The following CACNB2 variants were observed in gnomAD, a reference collection of about 807,000 sequenced individuals.
CACNB2 encodes voltage-dependent L-type calcium channel subunit beta-2.
Under a neutral mutation model 73.3 loss-of-function variants are expected in CACNB2, and 42 were observed. That is an observed-to-expected ratio of 0.57 (90% CI 0.45 to 0.74). The LOEUF (loss-of-function observed/expected upper bound fraction) is 0.74, where lower values mean the gene tolerates loss of function less well. Ranked by LOEUF, CACNB2 falls within the 30% of genes least tolerant of loss-of-function variation. The probability of loss-of-function intolerance (pLI) is 0.00; values close to 1 mark genes in which losing one functional copy is unlikely to be tolerated. For missense variants in CACNB2, 940 were observed against 853.0 expected (o/e 1.10, Z -1.27); for synonymous variants, 348 against 310.3 (o/e 1.12, Z -1.28).
At chr10:18,203,267 C>A (rs1167384632) in intron 2 of CACNB2, among the ~76,000 whole-genome samples, 2 of 152,132 alleles carry the variant, frequency 1.3e-5, no homozygotes, top group Non-Finnish European at 1.5e-5. Context: ...TAGTTAAATA[C>A]CAGCCAAGCT....
At chr10:18,330,680 T>A (rs539304852) in intron 2 of CACNB2, among the ~76,000 whole-genome samples, 1 of 152,202 alleles carries the variant, frequency 6.6e-6, no homozygotes, top group Non-Finnish European at 1.5e-5. Context: ...AAAACTTTTT[T>A]TTTTTTGAGA....
intron 2 of CACNB2, among the ~76,000 whole-genome samples, chr10:18,344,156 A>G (rs754809782): frequency 3.9e-5 from 6 of 151,914 alleles, no homozygotes; most frequent in Non-Finnish European, 7.4e-5. Flanking sequence ...AGGCTTCTAC[A>G]TCACTCTTCA....
intron 2 of CACNB2, among the ~76,000 whole-genome samples, chr10:18,326,911 G>C (rs942189527): frequency 6.6e-6 from 1 of 152,064 alleles, no homozygotes; most frequent in Non-Finnish European, 1.5e-5. Context: ...ATTTTTGGTA[G>C]AGACGGGTTT....
At chr10:18,381,759 A>T (rs1589195010) in intron 2 of CACNB2, among the ~76,000 whole-genome samples, 1 of 151,910 alleles carries the variant, frequency 6.6e-6, no homozygotes, top group African/African-American at 2.4e-5. Context: ...GTGAAGGGAT[A>T]GGATTGTATT....
intron 10 of CACNB2, among the ~76,000 whole-genome samples, chr10:18,529,768 T>G (rs2052813757): frequency 1.3e-5 from 2 of 152,118 alleles, no homozygotes; most frequent in Admixed American, 1.3e-4. Flanking sequence ...CAGGAAAAAA[T>G]GTGATCATGT....
chr10:18,473,895 C>T (rs1401753654), intron 3 of CACNB2, among the ~76,000 whole-genome samples: 3 of 152,086 alleles, frequency 2.0e-5, no homozygotes, highest in East Asian at 1.9e-4. Context: ...GATTTAAGTG[C>T]CAGACAAGGA....
intron 2 of CACNB2, among the ~76,000 whole-genome samples, chr10:18,173,180 A>C (rs1443881718): frequency 6.6e-6 from 1 of 152,180 alleles, no homozygotes; most frequent in Non-Finnish European, 1.5e-5. Context: ...TCAGCCTGCC[A>C]AAGTGCTGGG....
At chr10:18,319,087 C>G (rs1434586132) in intron 2 of CACNB2, among the ~76,000 whole-genome samples, 1 of 152,116 alleles carries the variant, frequency 6.6e-6, no homozygotes, top group Non-Finnish European at 1.5e-5. Flanking sequence ...CCCAGCAATC[C>G]CATTACTGGG....
chr10:18,297,131 C>G (rs2039312174), intron 2 of CACNB2, among the ~76,000 whole-genome samples: 1 of 152,204 alleles, frequency 6.6e-6, no homozygotes, highest in African/African-American at 2.4e-5. Context: ...CTACTAGACA[C>G]CATGGCAGCC....
At chr10:18,501,824 G>A (rs1264843463) in intron 5 of CACNB2, among the ~76,000 whole-genome samples, 1 of 151,994 alleles carries the variant, frequency 6.6e-6, no homozygotes, top group Non-Finnish European at 1.5e-5. Context: ...AACAGAATAT[G>A]CTTTGTGGTT....
intron 2 of CACNB2, among the ~76,000 whole-genome samples, chr10:18,399,046 C>T (rs191048058): frequency 4.6e-5 from 7 of 152,130 alleles, no homozygotes; most frequent in African/African-American, 9.7e-5. Context: ...GGGTGTTATG[C>T]GGCCCTCTCT....
intron 2 of CACNB2, among the ~76,000 whole-genome samples, chr10:18,347,920 C>T (rs943456092): frequency 4.6e-5 from 7 of 152,172 alleles, no homozygotes; most frequent in Non-Finnish European, 8.8e-5. Context: ...AGGTTTTGAG[C>T]GTCGTGCACA....
At chr10:18,232,102 A>G (rs922243274) in intron 2 of CACNB2, among the ~76,000 whole-genome samples, 1 of 152,204 alleles carries the variant, frequency 6.6e-6, no homozygotes, top group Non-Finnish European at 1.5e-5. Context: ...TAACAATGAT[A>G]CATACTTTCT....
chr10:18,198,465 T>G (rs2034726239), intron 2 of CACNB2, among the ~76,000 whole-genome samples: 2 of 152,186 alleles, frequency 1.3e-5, no homozygotes, highest in Admixed American at 6.6e-5. Flanking sequence ...GCTACTTTTT[T>G]GGGCATGCCT....
chr10:18,396,495 G>A (rs981305064), intron 2 of CACNB2, among the ~76,000 whole-genome samples: 27 of 151,986 alleles, frequency 1.8e-4, no homozygotes, highest in East Asian at 5.8e-4. Flanking sequence ...TGATTGAGAC[G>A]GAGTCTCGCT....
At chr10:18,387,844 C>T (rs1418259162) in intron 2 of CACNB2, among the ~76,000 whole-genome samples, 1 of 151,968 alleles carries the variant, frequency 6.6e-6, no homozygotes, top group Non-Finnish European at 1.5e-5. Context: ...GCAGCCTTCA[C>T]CTCCCAGACT....
chr10:18,335,458 C>T (rs932440359), intron 2 of CACNB2, among the ~76,000 whole-genome samples: 1 of 152,104 alleles, frequency 6.6e-6, no homozygotes, highest in Admixed American at 6.6e-5. Flanking sequence ...CCAGGCATGG[C>T]GGAGCATGCC....
intron 2 of CACNB2, among the ~76,000 whole-genome samples, chr10:18,240,670 G>A (rs901402617): frequency 1.3e-5 from 2 of 152,042 alleles, no homozygotes; most frequent in African/African-American, 4.8e-5. Context: ...AACTGGTTAC[G>A]CAAACCAGTA....
chr10:18,310,184 A>G (rs2039902717), intron 2 of CACNB2, among the ~76,000 whole-genome samples: 1 of 152,178 alleles, frequency 6.6e-6, no homozygotes, highest in African/African-American at 2.4e-5. Flanking sequence ...GAAATTCTAA[A>G]ATTTGTCAAT....
Sources: gnomAD v4.1 joint callset for allele counts (sites outside exome capture counted in the v4.1 genomes callset) on GRCh38, gnomAD v4.1.1 for gene constraint, MANE v1.5 for transcripts, NCBI Gene and HGNC (gene_info 2026-07-23, HGNC 2026-07-21) for gene names.